BTD: variants seen among roughly 807,000 people sequenced by gnomAD.
BTD encodes biotinidase.
BTD carries 13 observed loss-of-function variants against 17.7 expected under a neutral mutation model. The ratio of observed to expected loss-of-function variants is 0.74; its 90% CI spans 0.48 to 1.17. The LOEUF (loss-of-function observed/expected upper bound fraction) is 1.17, where lower values mean the gene tolerates loss of function less well. Ranked by LOEUF, BTD falls within the 50% of genes most tolerant of loss-of-function variation. The probability of loss-of-function intolerance (pLI) is 0.00; values close to 1 mark genes in which losing one functional copy is unlikely to be tolerated. For synonymous variants in BTD, 240 were observed against 245.2 expected (o/e 0.98, Z 0.20); for missense variants, 674 against 650.4 (o/e 1.04, Z -0.39).
At chr3:15,628,912 T>C (rs1246637599) in intron 1 of BTD, among the ~76,000 whole-genome samples, 1 of 152,230 alleles carries the variant, frequency 6.6e-6, no homozygotes, top group Non-Finnish European at 1.5e-5. Context: ...CCCCACCTTT[T>C]TTTAAATCAG....
chr3:15,666,005 T>C (rs1017195378), intron 3 of BTD, among the ~76,000 whole-genome samples: 1 of 152,042 alleles, frequency 6.6e-6, no homozygotes, highest in Non-Finnish European at 1.5e-5. Flanking sequence ...AACTTAGATT[T>C]GGGGTGGTTA....
At chr3:15,719,555 A>G (rs1166212839) in intron 4 of BTD, among the ~76,000 whole-genome samples, 1 of 152,140 alleles carries the variant, frequency 6.6e-6, no homozygotes, top group Non-Finnish European at 1.5e-5. Flanking sequence ...TAGTGAAAGC[A>G]TATTTATTTG....
intron 3 of BTD, among the ~76,000 whole-genome samples, chr3:15,666,839 T>A (rs1221498443): frequency 6.6e-6 from 1 of 152,262 alleles, no homozygotes; most frequent in Non-Finnish European, 1.5e-5. Flanking sequence ...TCAAATCTGA[T>A]TCTCAATGTC....
At chr3:15,683,311 T>A (rs897765213) in intron 3 of BTD, among the ~76,000 whole-genome samples, 1 of 152,160 alleles carries the variant, frequency 6.6e-6, no homozygotes, top group Non-Finnish European at 1.5e-5. Flanking sequence ...ATATTTTGGG[T>A]TTTCCTTATA....
At chr3:15,623,996 G>A (rs2065012895) in intron 1 of BTD, among the ~76,000 whole-genome samples, 1 of 152,136 alleles carries the variant, frequency 6.6e-6, no homozygotes. Context: ...ACAATGCTAG[G>A]CTGGTACTTT....
Position 15,660,628 on chromosome 3 carries a change from G to A in BTD, c.399+18571G>A, listed in dbSNP as rs942256715. On this transcript the variant is annotated intron_variant, in intron 3 of 3. Coordinates refer to the BTD transcript ENST00000672141. ...CGGACATATGACTCCATTTAAAAAT[G>A]ACTCATATTCATAGTTATAGATTTG... Among the ~76,000 whole-genome samples, 3 of 152,184 alleles carry A rather than the reference G, an allele frequency of 2.0e-5. No homozygotes were observed. In the East Asian group the frequency reaches 5.8e-4, roughly 29 times the overall value.
chr3:15,688,865 C>T (rs760987549), intron 3 of BTD, among the ~76,000 whole-genome samples: 4 of 152,158 alleles, frequency 2.6e-5, no homozygotes, highest in Non-Finnish European at 5.9e-5. Flanking sequence ...CTCTGTAAAG[C>T]CTGTCTGCAT....
intron 1 of BTD, among the ~76,000 whole-genome samples, chr3:15,607,464 A>G (rs906212176): frequency 6.6e-6 from 1 of 152,248 alleles, no homozygotes. Flanking sequence ...TTGCAAATAT[A>G]GTGCCTGGAG....
intron 3 of BTD, among the ~76,000 whole-genome samples, chr3:15,691,652 T>A (rs1012751729): frequency 6.6e-6 from 1 of 152,198 alleles, no homozygotes; most frequent in Non-Finnish European, 1.5e-5. Flanking sequence ...TTATAATGAA[T>A]CTGTGTAGAA....
intron 1 of BTD, among the ~76,000 whole-genome samples, chr3:15,620,020 G>C (rs1323073293): frequency 2.0e-5 from 3 of 152,078 alleles, no homozygotes; most frequent in Non-Finnish European, 4.4e-5. Flanking sequence ...GCTTCTGAGG[G>C]AACAGGGCAA....
intron 4 of BTD, among the ~76,000 whole-genome samples, chr3:15,721,594 T>A (rs530675793): frequency 5.3e-5 from 8 of 151,470 alleles, no homozygotes; most frequent in Non-Finnish European, 1.2e-4. Flanking sequence ...GATCAAGATT[T>A]AAAAAAAAAT....
At chr3:15,676,527 C>A (rs2066954883) in intron 3 of BTD, 1 of 158,906 alleles carries the variant, frequency 6.3e-6, no homozygotes, top group African/African-American at 2.4e-5. Context: ...ATGAGAGACA[C>A]TGATGTAAGA....
chr3:15,713,650 T>G (rs749503215), downstream of BTD: 16 of 1,568,864 alleles, frequency 1.0e-5, no homozygotes, highest in Non-Finnish European at 1.4e-5. Context: ...TCCTGCAATA[T>G]AGGACTTACT....
rs752102175 is a variant in BTD at position 15,601,880 on chromosome 3, G to C, written c.-31G>C. 1.4e-5 allele frequency: 23 copies of C among 1,614,010 alleles called. No homozygotes were observed. In the South Asian group the frequency reaches 1.6e-4, roughly 12 times the overall value. ...CGCATGCGCATATTCAGGGCGGAAGGCGCGCTAAGAGCAGGTACGGAGGGG... is the reference window on the plus strand; with the variant it reads ...CGCATGCGCATATTCAGGGCGGAAGCCGCGCTAAGAGCAGGTACGGAGGGG... On this transcript the variant is annotated 5_prime_UTR_variant, in exon 1 of 4. Coordinates refer to ENST00000643237, the MANE Select transcript of BTD (RefSeq NM_001370658.1).
intron 3 of BTD, chr3:15,676,068 C>A: frequency 8.2e-7 from 1 of 1,217,828 alleles, no homozygotes. Flanking sequence ...TGTCAAAGAG[C>A]ATTTTTGTCA....
chr3:15,633,257 G>A (rs911582270), intron 1 of BTD, among the ~76,000 whole-genome samples: 1 of 151,964 alleles, frequency 6.6e-6, no homozygotes, highest in Non-Finnish European at 1.5e-5. Flanking sequence ...ATCCATGGAT[G>A]CAGAAACAAT....
At chr3:15,700,830 A>G (rs60431470) in intron 3 of BTD, among the ~76,000 whole-genome samples, 2,586 of 152,210 alleles carry the variant, frequency 0.017, 71 homozygotes, top group African/African-American at 0.059. Flanking sequence ...TTACAGCAGA[A>G]AAAAAAAGCA....
intron 1 of BTD, among the ~76,000 whole-genome samples, chr3:15,627,168 C>T (rs951577320): frequency 4.6e-5 from 7 of 152,294 alleles, no homozygotes; most frequent in African/African-American, 1.2e-4. Context: ...CACGGCATGC[C>T]GGCTCACCGT....
chr3:15,605,002 A>G (rs748318272), intron 1 of BTD, among the ~76,000 whole-genome samples: 16 of 151,978 alleles, frequency 1.1e-4, no homozygotes, highest in Non-Finnish European at 2.1e-4. Flanking sequence ...ACATTTTCCT[A>G]TCTTCTTCTG....
Sources: gnomAD v4.1 joint callset for allele counts (sites outside exome capture counted in the v4.1 genomes callset) on GRCh38, gnomAD v4.1.1 for gene constraint, MANE v1.5 for transcripts, NCBI Gene and HGNC (gene_info 2026-07-23, HGNC 2026-07-21) for gene names.